Variants in AHSG observed in about 807,000 individuals in gnomAD.
The protein encoded by AHSG is alpha 2-HS glycoprotein.
In AHSG, 23 loss-of-function variants were observed where a neutral mutation model predicts 30.1. That is an observed-to-expected ratio of 0.76 (90% CI 0.55 to 1.08). AHSG has a LOEUF of 1.08. Ranked by LOEUF, AHSG falls within the 50% of genes least tolerant of loss-of-function variation. AHSG has a pLI of 0.00. For missense variants in AHSG, 469 were observed against 459.5 expected (o/e 1.02, Z -0.19); for synonymous variants, 164 against 186.3 (o/e 0.88, Z 0.98).
chr3:186,619,700 T>G (rs1038498122), intron 5 of AHSG, among the ~76,000 whole-genome samples, 157 bp from the exon 6 acceptor site: 3 of 152,194 alleles, frequency 2.0e-5, no homozygotes, highest in African/African-American at 4.8e-5. Context: ...TTTCTGTATT[T>G]CCATGTTATA....
chr3:186,617,690 T>G (rs77537727), intron 4 of AHSG: 1 of 391,284 alleles, frequency 2.6e-6, no homozygotes, highest in Admixed American at 3.8e-5. Context: ...AAGCACTCAC[T>G]GTAAATTTGC....
intron 3 of AHSG, 45 bp downstream of exon 3, chr3:186,616,572 G>C: frequency 6.8e-7 from 1 of 1,469,526 alleles, no homozygotes; most frequent in Non-Finnish European, 9.4e-7. Context: ...TGTAGAGAAA[G>C]TGGGGAAGGG....
Position 186,617,359 on chromosome 3 carries a change from T to C in AHSG, c.573+9T>C, listed in dbSNP as rs745682514. On this transcript the variant is annotated intron_variant, in intron 4 of 6. Transcript: ENST00000411641. Reference sequence around the variant, plus strand: ...CCCGGGCTCAGCTTGTGGTAAAGACTGAGATTCTTTTGACAGGTTGGGCAG... The same window carrying C: ...CCCGGGCTCAGCTTGTGGTAAAGACCGAGATTCTTTTGACAGGTTGGGCAG... 3 of 1,614,006 alleles carry C rather than the reference T, an allele frequency of 1.9e-6. No individual in the cohort carries two copies. The East Asian group carries it at 6.7e-5, about 36-fold the overall frequency.
Position 186,620,961 on chromosome 3 carries a change from C to T in AHSG, c.*31C>T. 1.3e-6 allele frequency: 2 copies of T among 1,586,380 alleles called. No homozygotes were observed. Among genetic ancestry groups the T allele is most frequent in the Non-Finnish European group, 1.7e-6 (2 of 1,159,746 alleles). ...ACATGGCAGAGATGAGGAGGTTTGG[C>T]ACAGAAAACATAGCCACCATTTTGT... On this transcript the variant is annotated 3_prime_UTR_variant, in exon 7 of 7. Coordinates refer to ENST00000411641, the MANE Select transcript of AHSG (RefSeq NM_001622.4).
intron 4 of AHSG, 82 bp downstream of exon 4, chr3:186,617,432 G>A (rs753292263): frequency 1.5e-5 from 24 of 1,609,260 alleles, no homozygotes; most frequent in Non-Finnish European, 1.9e-5. Flanking sequence ...GCGGGAGGCA[G>A]GGAAGAACAG....
At position 186,618,614 on chromosome 3, in the gene AHSG, A is replaced by G. The variant is rs775790259; in HGVS notation, c.652A>G (p.Lys218Glu). ...TGCTAAAGAGGCCACAGAGGCAGCC[A>G]AGTGTAACCTGCTGGCAGAAAAGGT... ...CVAKEATEAA[K>E]CNLLAEKQYG... Residue 218 changes from lysine (K) to glutamate (E), a missense_variant, in exon 5 of 7, where the codon AAG becomes GAG. Lys to Glu is a moderately conservative substitution (Grantham distance 56, BLOSUM62 1). Transcript: ENST00000411641. 6 of 1,614,106 alleles carry G rather than the reference A, an allele frequency of 3.7e-6. No individual in the cohort carries two copies. The highest frequency in any genetic ancestry group is 5.1e-6 in the Non-Finnish European group (6 of 1,179,954).
intron 3 of AHSG, 120 bp downstream of exon 3, chr3:186,616,647 A>G (rs1279593149): frequency 3.5e-6 from 3 of 859,316 alleles, no homozygotes; most frequent in Non-Finnish European, 5.4e-6. Flanking sequence ...GAGAAGCCAA[A>G]TTTCCTGGGT....
rs770742765 is a variant in AHSG at position 186,617,182 on chromosome 3, A to G, written c.410-5A>G. The G allele has an allele frequency of 5.0e-6, 8 of 1,607,390 alleles. No individual in the cohort carries two copies. The Admixed American group carries it at 1.3e-4, about 27-fold the overall frequency. On this transcript the variant is annotated splice_polypyrimidine_tract_variant and splice_region_variant and intron_variant, in intron 3 of 6. Coordinates refer to ENST00000411641, the MANE Select transcript of AHSG (RefSeq NM_001622.4). The stretch of plus-strand genomic sequence containing the variant: ...CCCACATCCTGGTTTCCTCTCTCCG[A>G]GCAGACTCAGCCGAGGACGTGCGCA...
rs1234071123 is a variant in AHSG at position 186,615,812 on chromosome 3, G to A, written c.324+17G>A. ...AAGGAGCATGTGAGTACCCTTCTTA[G>A]GATGACTGTAGGTGGCCCTTCGGCC... On this transcript the variant is annotated intron_variant, in intron 2 of 6. Coordinates refer to ENST00000411641, the MANE Select transcript of AHSG (RefSeq NM_001622.4). 1 of 1,608,032 alleles carries A rather than the reference G, an allele frequency of 6.2e-7. No individual in the cohort carries two copies. Among genetic ancestry groups the A allele is most frequent in the Admixed American group, 1.7e-5 (1 of 60,010 alleles).
chr3:186,618,191 A>G (rs1273378982), intron 4 of AHSG, among the ~76,000 whole-genome samples: 1 of 152,204 alleles, frequency 6.6e-6, no homozygotes, highest in East Asian at 1.9e-4. Flanking sequence ...GTGCAGCCCA[A>G]GAGTGAGGGC....
At chr3:186,619,552 T>C (rs1258861527) in intron 5 of AHSG, among the ~76,000 whole-genome samples, 2 of 152,170 alleles carry the variant, frequency 1.3e-5, no homozygotes, top group Non-Finnish European at 1.5e-5. Context: ...CAACATCGTA[T>C]AGTCACAATG....
chr3:186,617,589 C>T, intron 4 of AHSG: 2 of 679,600 alleles, frequency 2.9e-6, no homozygotes, highest in Non-Finnish European at 4.8e-6. Flanking sequence ...CGTCCAGCAG[C>T]CACAGCTGCC....
intron 6 of AHSG, among the ~76,000 whole-genome samples, chr3:186,620,286 G>A (rs1716440192): frequency 6.6e-6 from 1 of 152,084 alleles, no homozygotes; most frequent in Non-Finnish European, 1.5e-5. Context: ...TGACAAAGAG[G>A]GTGGCACTGC....
In AHSG at chr3:186,615,735, C is replaced by G. The variant is rs146594148; in HGVS notation, c.264C>G (p.Thr88=). ...FEIEIDTLET[T]CHVLDPTPVA... ...TTGAAATAGACACCCTGGAAACCAC[C>G]TGCCATGTGCTGGACCCCACCCCTG... The change falls in exon 2 of 7, where the codon ACC becomes ACG. Residue 88 remains threonine, a synonymous_variant. Transcript: ENST00000411641. The G allele has an allele frequency of 1.2e-6, 2 of 1,614,254 alleles. No homozygotes were observed. The highest frequency in any genetic ancestry group is 2.7e-5 in the African/African-American group (2 of 75,070).
intron 6 of AHSG, 83 bp downstream of exon 6, chr3:186,620,023 G>A: frequency 9.8e-7 from 1 of 1,022,628 alleles, no homozygotes; most frequent in Non-Finnish European, 1.4e-6. Context: ...AGTGATGACA[G>A]GACATTTGCT....
At chr3:186,614,481 T>C (rs1424178837) in intron 1 of AHSG, among the ~76,000 whole-genome samples, 1 of 152,194 alleles carries the variant, frequency 6.6e-6, no homozygotes, top group East Asian at 1.9e-4. Flanking sequence ...GCCATCCGTC[T>C]CACAAAGAGA....
chr3:186,615,805 C>T lies in AHSG; in HGVS notation c.324+10C>T, dbSNP rs771224448. 1.4e-5 allele frequency: 22 copies of T among 1,612,072 alleles called. No homozygotes were observed. The South Asian group carries it at 2.4e-4, about 18-fold the overall frequency. On this transcript the variant is annotated intron_variant, in intron 2 of 6. Coordinates refer to ENST00000411641, the MANE Select transcript of AHSG (RefSeq NM_001622.4). ...GCAGCTGAAGGAGCATGTGAGTACC[C>T]TTCTTAGGATGACTGTAGGTGGCCC...
chr3:186,621,035 T>C lies in AHSG; in HGVS notation c.*105T>C, dbSNP rs569804545. The C allele has an allele frequency of 1.2e-4, 120 of 1,039,698 alleles. No individual in the cohort carries two copies. The highest frequency in any genetic ancestry group is 2.5e-4 in the Admixed American group (11 of 43,516). 64.4% of individuals were successfully genotyped at this position (1,039,698 alleles called of 1,614,324 possible). A position where few individuals can be genotyped will look rare whatever the true frequency, so the allele number is the denominator to read the frequency against. ...GCCTTGTCTGCTGGCCACGCAAGTG[T>C]CACATGCGATCTACATTAATATCAA... On this transcript the variant is annotated 3_prime_UTR_variant, in exon 7 of 7. Transcript: ENST00000411641.
intron 1 of AHSG, among the ~76,000 whole-genome samples, chr3:186,614,996 A>C (rs1716253647): frequency 6.6e-6 from 1 of 152,204 alleles, no homozygotes; most frequent in African/African-American, 2.4e-5. Context: ...AGTGACATCC[A>C]GTTTCCTGTC....
Sources: allele counts gnomAD v4.1 joint callset (sites outside exome capture counted in the v4.1 genomes callset), GRCh38; gene constraint gnomAD v4.1.1; transcripts MANE v1.5; gene names NCBI Gene and HGNC (gene_info 2026-07-23, HGNC 2026-07-21).